RGS7: variants seen among roughly 807,000 people sequenced by gnomAD.
RGS7 encodes the protein regulator of G-protein signaling 7.
A neutral mutation model predicts 81.1 loss-of-function variants in RGS7; 27 were observed. The ratio of observed to expected loss-of-function variants is 0.33; its 90% CI spans 0.25 to 0.46. The LOEUF (loss-of-function observed/expected upper bound fraction) is 0.46, where lower values mean the gene tolerates loss of function less well. Ranked by LOEUF, RGS7 falls within the 20% of genes least tolerant of loss-of-function variation. RGS7 has a pLI of 1.00. For missense variants in RGS7, 396 were observed against 607.4 expected (o/e 0.65, Z 3.66); for synonymous variants, 208 against 207.7 (o/e 1.00, Z -0.01).
intron 2 of RGS7, among the ~76,000 whole-genome samples, chr1:241,351,358 A>T (rs775861111): frequency 1.2e-4 from 19 of 152,032 alleles, no homozygotes; most frequent in Non-Finnish European, 2.4e-4. Context: ...GTTCAAGGTT[A>T]AAGTGAGCTA....
chr1:240,834,754 G>A lies in RGS7; in HGVS notation c.610-7582C>T, dbSNP rs1040152875. Among the ~76,000 whole-genome samples the A allele has an allele frequency of 7.9e-5, 12 of 152,010 alleles. No homozygotes were observed. In the South Asian group the frequency reaches 8.3e-4, roughly 11 times the overall value. On this transcript the variant is annotated intron_variant, in intron 9 of 18. Transcript: ENST00000440928. ...TCTCCATCTCCTGACCTCGTGATCC[G>A]CCCGCCTCGGCCTCCCAAAATGCTG... is the stretch of plus-strand genomic sequence containing the variant.
intron 18 of RGS7, among the ~76,000 whole-genome samples, chr1:240,795,763 A>G (rs964093054): frequency 3.3e-5 from 5 of 152,198 alleles, no homozygotes; most frequent in African/African-American, 1.2e-4. Context: ...TTTGGAAGAC[A>G]TTTACAATGC....
chr1:241,089,053 CTCTCTCTCTCTATATA>C (rs1297459083), intron 3 of RGS7, among the ~76,000 whole-genome samples: 259 of 53,092 alleles, frequency 4.9e-3, no homozygotes, highest in Non-Finnish European at 7.7e-3. Flanking sequence ...CTCTCTCTCT[CTCTCTCTCTCTATATA>C]TATATATATA....
At chr1:241,113,279 A>G (rs1410607046) in intron 2 of RGS7, among the ~76,000 whole-genome samples, 3 of 152,334 alleles carry the variant, frequency 2.0e-5, no homozygotes, top group African/African-American at 7.2e-5. Context: ...ATTACTAGAT[A>G]TCTGTGACTA....
chr1:241,147,780 T>TTACATATATATATATA (rs1553268796), intron 2 of RGS7, among the ~76,000 whole-genome samples: 14 of 44,646 alleles, frequency 3.1e-4, no homozygotes, highest in African/African-American at 9.1e-4. Context: ...AGATTAAGTT[T>TTACATATATATATATA]TATATATATA....
At chr1:240,958,618 C>A (rs186937863) in intron 4 of RGS7, among the ~76,000 whole-genome samples, 3 of 152,338 alleles carry the variant, frequency 2.0e-5, no homozygotes, top group Admixed American at 6.5e-5. Context: ...TCTGAACTCA[C>A]CCTGCCCAAG....
intron 18 of RGS7, among the ~76,000 whole-genome samples, chr1:240,780,993 A>G (rs1462480823): frequency 5.4e-5 from 8 of 149,016 alleles, no homozygotes; most frequent in African/African-American, 2.0e-4. Context: ...TCATTTTTTT[A>G]TTTGAACAAT....
chr1:241,149,609 C>T (rs1222427123), intron 2 of RGS7, among the ~76,000 whole-genome samples: 2 of 152,146 alleles, frequency 1.3e-5, no homozygotes, highest in Non-Finnish European at 2.9e-5. Flanking sequence ...AATGGCTGGG[C>T]CATGTCCTTT....
intron 2 of RGS7, among the ~76,000 whole-genome samples, chr1:241,258,980 C>T (rs1558245228): frequency 6.6e-6 from 1 of 152,076 alleles, no homozygotes; most frequent in African/African-American, 2.4e-5. Flanking sequence ...CAGCAGGGGG[C>T]CATACTTCAC....
chr1:240,852,120 A>G (rs564532137), intron 9 of RGS7, among the ~76,000 whole-genome samples: 1 of 152,312 alleles, frequency 6.6e-6, no homozygotes, highest in South Asian at 2.1e-4. Flanking sequence ...TTGCAAAAAA[A>G]AGAGTCAATT....
intron 3 of RGS7, among the ~76,000 whole-genome samples, chr1:241,024,101 A>G (rs531683604): frequency 7.2e-5 from 11 of 152,204 alleles, no homozygotes; most frequent in Non-Finnish European, 1.5e-4. Context: ...CAGAAGAACA[A>G]AGAAATAAGC....
At chr1:241,171,348 A>T (rs957747277) in intron 2 of RGS7, among the ~76,000 whole-genome samples, 2 of 152,240 alleles carry the variant, frequency 1.3e-5, no homozygotes, top group African/African-American at 2.4e-5. Flanking sequence ...GCATAATTCC[A>T]TAAGGCAGAC....
intron 3 of RGS7, among the ~76,000 whole-genome samples, chr1:241,097,416 C>T (rs1156386803): frequency 6.6e-6 from 1 of 152,154 alleles, no homozygotes; most frequent in Non-Finnish European, 1.5e-5. Context: ...CCTCTCTTCT[C>T]TCTGACAGCA....
chr1:241,275,505 T>C (rs1160516315), intron 2 of RGS7, among the ~76,000 whole-genome samples: 1 of 152,214 alleles, frequency 6.6e-6, no homozygotes, highest in African/African-American at 2.4e-5. Context: ...CTTGATTCTT[T>C]AGAATCCTCT....
intron 3 of RGS7, among the ~76,000 whole-genome samples, chr1:241,035,461 G>C (rs570696818): frequency 8.1e-4 from 124 of 152,210 alleles, no homozygotes; most frequent in African/African-American, 2.8e-3. Context: ...GAAACATTTC[G>C]GAACTGGGAT....
intron 3 of RGS7, among the ~76,000 whole-genome samples, chr1:241,041,946 G>A (rs2060644240): frequency 6.6e-6 from 1 of 152,062 alleles, no homozygotes; most frequent in Non-Finnish European, 1.5e-5. Context: ...AGAGCATCGT[G>A]GGCTGGCTGT....
chr1:240,976,083 A>C (rs535598278), intron 4 of RGS7, among the ~76,000 whole-genome samples: 1 of 152,360 alleles, frequency 6.6e-6, no homozygotes, highest in South Asian at 2.1e-4. Flanking sequence ...AGAATGAAAA[A>C]TATTTAGCTG....
rs74149582 is a variant in RGS7, at chr1:241,013,862, A to C, written c.176-30733T>G. On this transcript the variant is annotated intron_variant, in intron 3 of 18. Coordinates refer to ENST00000440928, the MANE Select transcript of RGS7 (RefSeq NM_001364886.1). ...CCATATCATGTTCGTAAAAGACATAATGACAGGAGGGGACAGAGCAAGGTA... is the reference window on the plus strand; with the variant it reads ...CCATATCATGTTCGTAAAAGACATACTGACAGGAGGGGACAGAGCAAGGTA... 8.9e-3 allele frequency among the ~76,000 whole-genome samples: 1,350 copies of C among 152,350 alleles called. 19 individuals are homozygous for C. The highest frequency in any genetic ancestry group is 0.03 in the African/African-American group (1,249 of 41,582).
intron 9 of RGS7, among the ~76,000 whole-genome samples, chr1:240,842,833 T>C (rs1165710374): frequency 6.7e-6 from 1 of 150,042 alleles, no homozygotes; most frequent in Non-Finnish European, 1.5e-5. Flanking sequence ...TCTTTTTTTC[T>C]TTTTTCTTTT....
Sources: allele counts gnomAD v4.1 joint callset (sites outside exome capture counted in the v4.1 genomes callset), GRCh38; gene constraint gnomAD v4.1.1; transcripts MANE v1.5; gene names NCBI Gene and HGNC (gene_info 2026-07-23, HGNC 2026-07-21).